ARMC3: variants seen among roughly 807,000 people sequenced by gnomAD.
ARMC3 encodes the protein armadillo repeat-containing protein 3.
A neutral mutation model predicts 90.3 loss-of-function variants in ARMC3; 74 were observed. The observed-to-expected ratio is 0.82, with a 90% confidence interval of 0.68 to 0.99. The LOEUF is 0.99. ARMC3 is among the 50% of genes least tolerant of loss of function. The pLI is 0.00. For synonymous variants in ARMC3, 334 were observed against 361.8 expected (o/e 0.92, Z 0.87); for missense variants, 958 against 1,042.8 (o/e 0.92, Z 1.12).
chr10:23,011,607 C>T (rs556441881), intron 16 of ARMC3, among the ~76,000 whole-genome samples: 6 of 152,252 alleles, frequency 3.9e-5, no homozygotes, highest in African/African-American at 1.4e-4. Flanking sequence ...AGGGCCTGCC[C>T]ATCTCTCTTC....
rs912994817 is a variant in ARMC3, at chr10:23,017,418, C to A, written c.2045+8487C>A. Among the ~76,000 whole-genome samples the A allele has an allele frequency of 2.0e-5, 3 of 152,268 alleles. No homozygotes were observed. In the South Asian group the frequency reaches 6.2e-4, roughly 32 times the overall value. ...GTAATACTTAAAGTTAAATAATTCC[C>A]AAACCCCCTAATTTACTGCTAGTGT... On this transcript the variant is annotated intron_variant, in intron 16 of 18. Transcript: ENST00000298032.
chr10:23,004,949 G>A (rs957456071), intron 13 of ARMC3, among the ~76,000 whole-genome samples: 1 of 152,098 alleles, frequency 6.6e-6, no homozygotes, highest in African/African-American at 2.4e-5. Context: ...GGGCGTGGTG[G>A]CTCACGCCTG....
At chr10:22,932,809 CT>C (rs1032347689) in intron 2 of ARMC3, among the ~76,000 whole-genome samples, 8 of 152,170 alleles carry the variant, frequency 5.3e-5, no homozygotes, top group Non-Finnish European at 1.0e-4. Context: ...CCCTTGGGAG[CT>C]TTGTGGTTAA....
chr10:22,952,234 A>T (rs1303690506), intron 3 of ARMC3, among the ~76,000 whole-genome samples: 1 of 152,208 alleles, frequency 6.6e-6, no homozygotes, highest in Non-Finnish European at 1.5e-5. Flanking sequence ...AAAAAAATTG[A>T]TGAGCCATAA....
chr10:22,929,326 GA>G (rs1833843565), intron 1 of ARMC3, among the ~76,000 whole-genome samples: 1 of 132,986 alleles, frequency 7.5e-6, no homozygotes, highest in African/African-American at 2.7e-5. Flanking sequence ...GAAAGGAAAG[GA>G]AAGGAAAGGA....
chr10:22,935,057 C>T (rs548608336), intron 2 of ARMC3, among the ~76,000 whole-genome samples: 3 of 152,276 alleles, frequency 2.0e-5, no homozygotes, highest in African/African-American at 7.2e-5. Context: ...AAGCCACAAG[C>T]TCTAAATTCC....
At position 22,962,037 on chromosome 10, in the gene ARMC3, A is replaced by C. The variant is rs577220653; in HGVS notation, c.691A>C (p.Asn231His). 3.7e-6 allele frequency: 6 copies of C among 1,603,124 alleles called. No homozygotes were observed. The highest frequency in any genetic ancestry group is 5.1e-6 in the Non-Finnish European group (6 of 1,176,294). Residue 231 changes from asparagine to histidine, a missense_variant, in exon 7 of 19, where the codon AAT (asparagine) becomes CAT (histidine). Asn to His is a moderately conservative substitution (Grantham distance 68, BLOSUM62 1). Transcript: ENST00000298032. Reference protein sequence around the residue: ...DKESRTMLRDNQGLDHLIKIL... With the variant: ...DKESRTMLRDHQGLDHLIKIL... ...GGAGTCTCGAACAATGCTAAGAGACAATCAAGGATTGGACCATCTTATTAA... is the reference window on the plus strand; with the variant it reads ...GGAGTCTCGAACAATGCTAAGAGACCATCAAGGATTGGACCATCTTATTAA...
At chr10:23,002,119 T>C (rs1837322588) in intron 12 of ARMC3, 64 bp downstream of exon 12, 6 of 1,559,504 alleles carry the variant, frequency 3.8e-6, no homozygotes, top group South Asian at 1.2e-5. Flanking sequence ...AGGCACACTC[T>C]TTAGGCCCAA....
intron 1 of ARMC3, among the ~76,000 whole-genome samples, chr10:22,929,255 A>AGAGAGAGAGAGAGG (rs1833832926): frequency 6.7e-6 from 1 of 150,282 alleles, no homozygotes; most frequent in African/African-American, 2.5e-5. Flanking sequence ...AAAAGAGAAG[A>AGAGAGAGAGAGAGG]GAGAGAGAGA....
At position 22,981,418 on chromosome 10, in the gene ARMC3, C is replaced by A; in HGVS notation, c.995C>A (p.Thr332Asn). Residue 332 changes from threonine to asparagine, a missense_variant, in exon 9 of 19, where the codon ACT becomes AAT. Coordinates refer to ENST00000298032, the MANE Select transcript of ARMC3 (RefSeq NM_173081.5). The part of the protein sequence containing the change: ...VALLGSENDG[T>N]KIAASQAISA... The stretch of plus-strand genomic sequence containing the variant: ...CTTTTGGGTTCTGAAAATGATGGAA[C>A]TAAAATTGCTGCTTCCCAAGCTATT... 6.2e-7 allele frequency: 1 copy of A among 1,614,006 alleles called. No individual in the cohort carries two copies. Among genetic ancestry groups the A allele is most frequent in the Non-Finnish European group, 8.5e-7 (1 of 1,179,986 alleles).
chr10:22,950,343 T>C (rs1476844818), intron 3 of ARMC3, among the ~76,000 whole-genome samples: 2 of 151,804 alleles, frequency 1.3e-5, no homozygotes, highest in South Asian at 4.1e-4. Context: ...AGCCCCAACA[T>C]AGAAAGGGAA....
intron 16 of ARMC3, among the ~76,000 whole-genome samples, chr10:23,017,519 C>A (rs533814505): frequency 1.3e-5 from 2 of 152,322 alleles, no homozygotes; most frequent in African/African-American, 4.8e-5. Context: ...AATCCCAACA[C>A]TTTGGGAGGC....
chr10:22,930,343 T>C (rs1336860412), intron 1 of ARMC3, among the ~76,000 whole-genome samples: 1 of 152,226 alleles, frequency 6.6e-6, no homozygotes, highest in Non-Finnish European at 1.5e-5. Context: ...TTAAATGTTT[T>C]ATTAATATAA....
At chr10:22,962,354 C>T (rs1040927825) in intron 7 of ARMC3, among the ~76,000 whole-genome samples, 1 of 152,018 alleles carries the variant, frequency 6.6e-6, no homozygotes, top group Non-Finnish European at 1.5e-5. Context: ...GTCTTTTAAC[C>T]TTCATTATGG....
chr10:23,005,889 T>C (rs1209486436), intron 13 of ARMC3, among the ~76,000 whole-genome samples: 1 of 147,540 alleles, frequency 6.8e-6, no homozygotes, highest in African/African-American at 2.5e-5. Context: ...AAAAAAGAAA[T>C]GAGAGGTGCC....
intron 8 of ARMC3, among the ~76,000 whole-genome samples, chr10:22,972,136 T>A (rs1688976016): frequency 6.6e-6 from 1 of 152,194 alleles, no homozygotes; most frequent in Admixed American, 6.5e-5. Flanking sequence ...CATTCTGTGG[T>A]TTGCCTTTTT....
chr10:22,991,708 A>C (rs1836716630), intron 10 of ARMC3, among the ~76,000 whole-genome samples: 1 of 152,170 alleles, frequency 6.6e-6, no homozygotes, highest in Non-Finnish European at 1.5e-5. Context: ...GGGCCTAGAG[A>C]ATGATACAGG....
intron 18 of ARMC3, among the ~76,000 whole-genome samples, chr10:23,035,574 G>T (rs1004348784): frequency 6.6e-6 from 1 of 151,746 alleles, no homozygotes; most frequent in African/African-American, 2.4e-5. Flanking sequence ...TTTTCTTCCA[G>T]TTTTTTGGCC....
intron 6 of ARMC3, chr10:22,960,658 C>A (rs1225593947): frequency 2.0e-5 from 3 of 152,202 alleles, no homozygotes; most frequent in African/African-American, 7.2e-5. Context: ...GATTACCTCA[C>A]AATTCTTAAC....
Sources: gnomAD v4.1 joint callset for allele counts (sites outside exome capture counted in the v4.1 genomes callset) on GRCh38, gnomAD v4.1.1 for gene constraint, MANE v1.5 for transcripts, NCBI Gene and HGNC (gene_info 2026-07-23, HGNC 2026-07-21) for gene names.